The following LRMDA variants were observed in gnomAD, a reference collection of about 807,000 sequenced individuals.
LRMDA encodes the protein leucine-rich melanocyte differentiation-associated protein.
LRMDA carries 18 observed loss-of-function variants against 29.8 expected under a neutral mutation model. That is an observed-to-expected ratio of 0.60 (90% confidence interval 0.42 to 0.90). LRMDA has a LOEUF of 0.90. Among genes scored for constraint, LRMDA ranks in the 40% least tolerant of loss-of-function variants. The pLI is 0.00. For missense variants in LRMDA, 273 were observed against 273.9 expected, an observed-to-expected ratio of 1.00 and a Z score of 0.02; for synonymous variants, 125 against 109.4, an observed-to-expected ratio of 1.14 and a Z score of -0.89.
intron 2 of LRMDA, among the ~76,000 whole-genome samples, chr10:75,885,538 A>G (rs1845373582): frequency 6.6e-6 from 1 of 152,156 alleles, no homozygotes; most frequent in Admixed American, 6.5e-5. Context: ...ATGTGAATAC[A>G]GTCAATCTCA....
intron 2 of LRMDA, among the ~76,000 whole-genome samples, chr10:75,932,204 C>T (rs1284616591): frequency 6.6e-6 from 1 of 152,138 alleles, no homozygotes. Context: ...AACACTGATG[C>T]TCTTTTGCCA....
intron 6 of LRMDA, among the ~76,000 whole-genome samples, chr10:76,528,071 G>C (rs1344270826): frequency 1.3e-5 from 2 of 151,638 alleles, no homozygotes; most frequent in Non-Finnish European, 2.9e-5. Context: ...AGGCATGCCT[G>C]GTGCTATGGA....
chr10:75,898,610 G>C (rs1336480579), intron 2 of LRMDA, among the ~76,000 whole-genome samples: 1 of 140,850 alleles, frequency 7.1e-6, no homozygotes, highest in East Asian at 2.1e-4. Flanking sequence ...ACTGCCCACT[G>C]AAAAAAAAAA....
intron 5 of LRMDA, among the ~76,000 whole-genome samples, chr10:76,182,240 G>A (rs1266769095): frequency 6.6e-6 from 1 of 152,104 alleles, no homozygotes; most frequent in African/African-American, 2.4e-5. Flanking sequence ...GATAGAGAGA[G>A]TGAGGGAAAG....
intron 2 of LRMDA, among the ~76,000 whole-genome samples, chr10:75,600,195 C>T (rs1840864283): frequency 6.6e-6 from 1 of 152,158 alleles, no homozygotes; most frequent in Admixed American, 6.5e-5. Context: ...TCTGTGCTAC[C>T]CATCTGCTTG....
intron 2 of LRMDA, among the ~76,000 whole-genome samples, chr10:75,769,222 A>T (rs970473070): frequency 2.0e-5 from 3 of 152,246 alleles, no homozygotes; most frequent in African/African-American, 7.2e-5. Context: ...ACTTCCAGCA[A>T]GTTATAAAAT....
intron 6 of LRMDA, among the ~76,000 whole-genome samples, chr10:76,506,626 C>T (rs139030085): frequency 6.6e-5 from 10 of 152,150 alleles, no homozygotes; most frequent in Middle Eastern, 3.4e-3. Flanking sequence ...ATCCCTCTCT[C>T]CCCTCTACTT....
chr10:76,462,775 T>C (rs969463239), intron 6 of LRMDA, among the ~76,000 whole-genome samples: 4 of 152,116 alleles, frequency 2.6e-5, no homozygotes, highest in South Asian at 2.1e-4. Flanking sequence ...GCCTCCCACA[T>C]TGGACAACTG....
chr10:76,328,426 AT>A (rs1840863479), intron 6 of LRMDA, among the ~76,000 whole-genome samples: 1 of 152,136 alleles, frequency 6.6e-6, no homozygotes, highest in African/African-American at 2.4e-5. Context: ...GAGTGCAAAT[AT>A]TTTTCCCATT....
chr10:75,543,033 G>A (rs996012325), intron 2 of LRMDA, among the ~76,000 whole-genome samples: 1 of 152,164 alleles, frequency 6.6e-6, no homozygotes, highest in African/African-American at 2.4e-5. Flanking sequence ...GAAGACACTG[G>A]GAAATTGACA....
intron 6 of LRMDA, among the ~76,000 whole-genome samples, chr10:76,462,044 G>T (rs1278814385): frequency 7.8e-6 from 1 of 127,854 alleles, no homozygotes; most frequent in Non-Finnish European, 1.6e-5. Context: ...GAGGACCACA[G>T]AGGGAACTCT....
intron 6 of LRMDA, among the ~76,000 whole-genome samples, chr10:76,352,279 A>G (rs563853282): frequency 1.3e-5 from 2 of 152,268 alleles, no homozygotes; most frequent in East Asian, 1.9e-4. Context: ...AAAGTTTAGT[A>G]TAATTATTAG....
intron 5 of LRMDA, among the ~76,000 whole-genome samples, chr10:76,174,729 C>G (rs4746371): frequency 6.6e-6 from 1 of 152,040 alleles, no homozygotes; most frequent in Non-Finnish European, 1.5e-5. Context: ...TTGGGACTAG[C>G]GGAAACAGAA....
At chr10:76,138,974 G>A (rs1257728276) in intron 5 of LRMDA, among the ~76,000 whole-genome samples, 1 of 152,082 alleles carries the variant, frequency 6.6e-6, no homozygotes, top group Non-Finnish European at 1.5e-5. Flanking sequence ...GAGTTACTGT[G>A]GATGTCATGG....
chr10:76,007,027 T>TGTGTGTGCGC (rs1554840197), intron 2 of LRMDA, among the ~76,000 whole-genome samples: 2 of 27,754 alleles, frequency 7.2e-5, no homozygotes, highest in Non-Finnish European at 2.2e-4. Context: ...TGTGTGTGTG[T>TGTGTGTGCGC]GTGTGCGCGT....
At chr10:75,998,673 TG>T (rs1424108945) in intron 2 of LRMDA, among the ~76,000 whole-genome samples, 1 of 152,216 alleles carries the variant, frequency 6.6e-6, no homozygotes, top group Non-Finnish European at 1.5e-5. Flanking sequence ...CATAGCCGGG[TG>T]GTGGGACCAT....
intron 2 of LRMDA, among the ~76,000 whole-genome samples, chr10:75,454,997 C>G (rs1383310332): frequency 6.6e-6 from 1 of 152,190 alleles, no homozygotes; most frequent in African/African-American, 2.4e-5. Context: ...TCTTCTTCCT[C>G]TAACTGGTGG....
chr10:75,569,520 C>G (rs980796537), intron 2 of LRMDA, among the ~76,000 whole-genome samples: 3 of 152,174 alleles, frequency 2.0e-5, no homozygotes, highest in Non-Finnish European at 4.4e-5. Flanking sequence ...GTCAGTTTAG[C>G]AATCAACAGC....
intron 2 of LRMDA, among the ~76,000 whole-genome samples, chr10:75,849,638 A>C (rs1434347768): frequency 1.3e-5 from 2 of 152,178 alleles, no homozygotes. Flanking sequence ...ATTAGGAAAA[A>C]TAGCTAAAGC....
Sources: gnomAD v4.1 joint callset for allele counts (sites outside exome capture counted in the v4.1 genomes callset) on GRCh38, gnomAD v4.1.1 for gene constraint, MANE v1.5 for transcripts, NCBI Gene and HGNC (gene_info 2026-07-23, HGNC 2026-07-21) for gene names.